Variants in EFNA5 observed in about 807,000 individuals in gnomAD.
EFNA5 encodes ephrin A5.
In EFNA5, 5 loss-of-function variants were observed where a neutral mutation model predicts 22.9. The ratio of observed to expected loss-of-function variants is 0.22; its 90% CI spans 0.11 to 0.46. The LOEUF (loss-of-function observed/expected upper bound fraction) is 0.46. Among genes scored for constraint, EFNA5 ranks in the 20% least tolerant of loss-of-function variants. The pLI, the probability that EFNA5 is intolerant of heterozygous loss-of-function variation, is 0.99. For missense variants in EFNA5, 237 were observed against 293.3 expected (o/e 0.81, Z 1.40); for synonymous variants, 113 against 112.2 (o/e 1.01, Z -0.04).
At chr5:107,462,488 G>A (rs154642) in intron 1 of EFNA5, among the ~76,000 whole-genome samples, 31,121 of 151,966 alleles carry the variant, frequency 0.2, 3,312 homozygotes, top group East Asian at 0.44. Context: ...CATGGTAAAC[G>A]GCTATGGGTC....
At chr5:107,408,433 G>C (rs903237698) in intron 2 of EFNA5, among the ~76,000 whole-genome samples, 1 of 152,054 alleles carries the variant, frequency 6.6e-6, no homozygotes, top group African/African-American at 2.4e-5. Context: ...AAATGCTCTA[G>C]GGCTATTGAA....
chr5:107,633,391 T>C (rs1750300366), intron 1 of EFNA5, among the ~76,000 whole-genome samples: 1 of 152,214 alleles, frequency 6.6e-6, no homozygotes. Context: ...AAAAGTCTCC[T>C]GACAAGATGC....
intron 1 of EFNA5, among the ~76,000 whole-genome samples, chr5:107,592,282 T>C (rs1313072741): frequency 2.0e-5 from 3 of 150,886 alleles, no homozygotes; most frequent in Non-Finnish European, 4.4e-5. Context: ...TTTCCAACAT[T>C]TAAAAATAAG....
At chr5:107,574,699 T>C (rs1388603122) in intron 1 of EFNA5, among the ~76,000 whole-genome samples, 2 of 152,226 alleles carry the variant, frequency 1.3e-5, no homozygotes, top group African/African-American at 4.8e-5. Context: ...GGAAAAAGAC[T>C]AAGGCAAACT....
intron 1 of EFNA5, among the ~76,000 whole-genome samples, chr5:107,531,006 A>G (rs1344585749): frequency 6.6e-6 from 1 of 152,238 alleles, no homozygotes; most frequent in African/African-American, 2.4e-5. Context: ...TTTTTGAATT[A>G]AATTTGCAAT....
At chr5:107,652,544 A>G (rs146002340) in intron 1 of EFNA5, among the ~76,000 whole-genome samples, 101 of 152,324 alleles carry the variant, frequency 6.6e-4, no homozygotes, top group African/African-American at 2.3e-3. Context: ...ATTTGCCTGC[A>G]TGTGGTCTTT....
intron 1 of EFNA5, among the ~76,000 whole-genome samples, chr5:107,555,076 G>T (rs958312413): frequency 6.6e-6 from 1 of 152,182 alleles, no homozygotes; most frequent in Admixed American, 6.5e-5. Context: ...CCCACCTCTT[G>T]CTCTATGCAG....
intron 1 of EFNA5, among the ~76,000 whole-genome samples, chr5:107,627,076 A>G (rs1335419112): frequency 2.0e-5 from 3 of 152,212 alleles, no homozygotes; most frequent in African/African-American, 4.8e-5. Context: ...AAAAATAGGT[A>G]TGTGCTACCT....
At chr5:107,604,281 G>A (rs538388087) in intron 1 of EFNA5, among the ~76,000 whole-genome samples, 46 of 152,076 alleles carry the variant, frequency 3.0e-4, no homozygotes, top group Non-Finnish European at 5.9e-4. Context: ...CTGGGCTCAA[G>A]CAATCGTCCT....
intron 1 of EFNA5, among the ~76,000 whole-genome samples, chr5:107,642,009 A>T (rs145363512): frequency 4.4e-4 from 67 of 152,346 alleles, no homozygotes; most frequent in Non-Finnish European, 7.6e-4. Flanking sequence ...AAAAGCCATG[A>T]GCTGGATTAA....
At chr5:107,580,488 G>T (rs879877495) in intron 1 of EFNA5, among the ~76,000 whole-genome samples, 1 of 151,786 alleles carries the variant, frequency 6.6e-6, no homozygotes, top group South Asian at 2.1e-4. Flanking sequence ...ACTTTGGGAG[G>T]CCCAGGCAGG....
chr5:107,601,438 TA>T (rs1273143623), intron 1 of EFNA5, among the ~76,000 whole-genome samples: 4 of 152,102 alleles, frequency 2.6e-5, no homozygotes, highest in African/African-American at 9.7e-5. Flanking sequence ...ACTGTAGAAG[TA>T]AGTGTAACTC....
intron 1 of EFNA5, among the ~76,000 whole-genome samples, chr5:107,480,202 T>C (rs1453529877): frequency 6.6e-6 from 1 of 152,250 alleles, no homozygotes; most frequent in Non-Finnish European, 1.5e-5. Context: ...TATTTTAATA[T>C]GAATGCTTAA....
chr5:107,407,207 A>T (rs1395409126), intron 2 of EFNA5, among the ~76,000 whole-genome samples: 2 of 152,172 alleles, frequency 1.3e-5, no homozygotes, highest in African/African-American at 2.4e-5. Flanking sequence ...TGCAGGCCCT[A>T]GGTTATTCTT....
At chr5:107,511,823 T>C (rs1206961294) in intron 1 of EFNA5, among the ~76,000 whole-genome samples, 2 of 151,594 alleles carry the variant, frequency 1.3e-5, no homozygotes, top group Non-Finnish European at 2.9e-5. Context: ...TGACTAATAA[T>C]GTGGCACCAT....
At chr5:107,642,261 T>C (rs1236806420) in intron 1 of EFNA5, among the ~76,000 whole-genome samples, 1 of 152,162 alleles carries the variant, frequency 6.6e-6, no homozygotes, top group African/African-American at 2.4e-5. Flanking sequence ...TCAAGAGATC[T>C]ATTGTGCATT....
At chr5:107,543,669 G>A (rs773398018) in intron 1 of EFNA5, among the ~76,000 whole-genome samples, 3 of 152,096 alleles carry the variant, frequency 2.0e-5, no homozygotes, top group Non-Finnish European at 4.4e-5. Context: ...AAGAGCATGG[G>A]CTGCTGCTCA....
chr5:107,538,429 A>C (rs1273237965), intron 1 of EFNA5, among the ~76,000 whole-genome samples: 3 of 152,224 alleles, frequency 2.0e-5, no homozygotes, highest in African/African-American at 7.2e-5. Flanking sequence ...CTCACTGGGC[A>C]CAGACACAAA....
intron 1 of EFNA5, among the ~76,000 whole-genome samples, chr5:107,503,053 G>A (rs1415397700): frequency 6.6e-6 from 1 of 152,176 alleles, no homozygotes; most frequent in Admixed American, 6.5e-5. Context: ...GATAATGGAA[G>A]CTAAAATGGA....
Sources: gnomAD v4.1 joint callset for allele counts (sites outside exome capture counted in the v4.1 genomes callset) on GRCh38, gnomAD v4.1.1 for gene constraint, MANE v1.5 for transcripts, NCBI Gene and HGNC (gene_info 2026-07-23, HGNC 2026-07-21) for gene names.